WDR88: variants seen among roughly 807,000 people sequenced by gnomAD.
WDR88 encodes the protein WD repeat-containing protein 88.
In WDR88, 40 loss-of-function variants were observed where a neutral mutation model predicts 46.8. That is an observed-to-expected ratio of 0.86 (90% confidence interval 0.66 to 1.11). The LOEUF (loss-of-function observed/expected upper bound fraction) is 1.11, where lower values mean the gene tolerates loss of function less well. Ranked by LOEUF, WDR88 falls within the 50% of genes most tolerant of loss-of-function variation. The pLI is 0.00. For missense variants in WDR88, 562 were observed against 602.4 expected, an observed-to-expected ratio of 0.93 and a Z score of 0.70; for synonymous variants, 235 against 240.7, an observed-to-expected ratio of 0.98 and a Z score of 0.22.
intron 10 of WDR88, chr19:33,174,771 C>T (rs973080628): frequency 3.0e-6 from 3 of 985,468 alleles, no homozygotes; most frequent in Non-Finnish European, 3.6e-6. Flanking sequence ...ATCCTCCCAA[C>T]TGTCAAGGGG....
intron 9 of WDR88, among the ~76,000 whole-genome samples, chr19:33,171,019 T>G (rs1974030247): frequency 6.6e-6 from 1 of 152,156 alleles, no homozygotes; most frequent in Admixed American, 6.5e-5. Context: ...AGAGTCTCGC[T>G]CTGTCACCCA....
intron 9 of WDR88, 112 bp downstream of exon 9, chr19:33,164,377 C>A: frequency 1.1e-6 from 1 of 942,916 alleles, no homozygotes; most frequent in South Asian, 1.4e-5. Context: ...TGTACCTGAC[C>A]GGGCCATCGT....
At chr19:33,146,826 C>G (rs1487382924) in intron 3 of WDR88, among the ~76,000 whole-genome samples, 2 of 152,112 alleles carry the variant, frequency 1.3e-5, no homozygotes, top group Admixed American at 6.6e-5. Context: ...CTGGTTCTCT[C>G]TAGTTTCAGT....
intron 7 of WDR88, among the ~76,000 whole-genome samples, chr19:33,157,203 GA>G (rs1326693904): frequency 3.8e-4 from 48 of 125,500 alleles, no homozygotes; most frequent in Middle Eastern, 4.7e-3. Context: ...TGTCTAAAAA[GA>G]AAAAAAAAAA....
intron 7 of WDR88, among the ~76,000 whole-genome samples, 192 bp from the exon 8 acceptor site, chr19:33,160,222 T>C (rs1048625800): frequency 2.6e-5 from 4 of 152,126 alleles, no homozygotes; most frequent in Admixed American, 2.0e-4. Context: ...ACCCCTGTCA[T>C]AGAACATGAC....
At chr19:33,170,423 G>A (rs1022229193) in intron 9 of WDR88, among the ~76,000 whole-genome samples, 4 of 150,280 alleles carry the variant, frequency 2.7e-5, no homozygotes, top group African/African-American at 9.8e-5. Context: ...TAAGTGATTC[G>A]ACCGCGTTGG....
In WDR88 at chr19:33,175,570, T is replaced by C. The variant is rs760940871; in HGVS notation, c.1417T>C (p.Ter473ArgextTer?). The change falls in exon 11 of 11, where the codon TGA (stop) becomes CGA (arginine). Residue 473 changes from the stop codon to arginine (R), a stop_lost. Transcript: ENST00000355868. ...SPPPRGSKDD[*>R] ...GCCGCCAAGGGGAAGCAAGGATGAC[T>C]GACAGCCACAGGCCCCTTTGAGTGA... is the stretch of plus-strand genomic sequence containing the variant. The C allele has an allele frequency of 3.1e-6, 5 of 1,614,138 alleles. No individual in the cohort carries two copies. The South Asian group carries it at 5.5e-5, about 18-fold the overall frequency.
intron 8 of WDR88, 86 bp downstream of exon 8, chr19:33,160,582 T>A: frequency 7.1e-7 from 1 of 1,413,338 alleles, no homozygotes; most frequent in Non-Finnish European, 1.0e-6. Flanking sequence ...GGGACACAGC[T>A]GTGAGTGACA....
At chr19:33,133,143 C>T (rs564488795) in intron 1 of WDR88, among the ~76,000 whole-genome samples, 28 of 135,192 alleles carry the variant, frequency 2.1e-4, no homozygotes, top group Non-Finnish European at 2.6e-4. Flanking sequence ...GGCAACAGAG[C>T]GAGACTGTCT....
At chr19:33,148,285 G>A (rs367897866) in intron 4 of WDR88, among the ~76,000 whole-genome samples, 3 of 151,930 alleles carry the variant, frequency 2.0e-5, no homozygotes, top group Non-Finnish European at 4.4e-5. Context: ...CACCCCTGCC[G>A]TCCCTCCCTC....
intron 1 of WDR88, among the ~76,000 whole-genome samples, chr19:33,133,027 C>T (rs1490497821): frequency 6.6e-6 from 1 of 151,672 alleles, no homozygotes; most frequent in Admixed American, 6.6e-5. Context: ...TGTGATGGGG[C>T]GCACCTGTGG....
chr19:33,170,441 A>G (rs978815219), intron 9 of WDR88, among the ~76,000 whole-genome samples: 10 of 151,988 alleles, frequency 6.6e-5, no homozygotes, highest in Middle Eastern at 3.4e-3. Flanking sequence ...TGGCCTCCCA[A>G]TGTGCTAGGA....
At chr19:33,173,169 T>C (rs2145428686) in intron 10 of WDR88, among the ~76,000 whole-genome samples, 1 of 147,040 alleles carries the variant, frequency 6.8e-6, no homozygotes, top group South Asian at 2.2e-4. Flanking sequence ...AGAGAGAGCC[T>C]GAGAGGCAGG....
chr19:33,159,314 CA>C (rs1249805350), intron 7 of WDR88, among the ~76,000 whole-genome samples: 1 of 151,188 alleles, frequency 6.6e-6, no homozygotes, highest in Non-Finnish European at 1.5e-5. Context: ...GCCTGGGTGA[CA>C]GAGCAAGACC....
At chr19:33,174,079 T>C (rs1974085048) in intron 10 of WDR88, 2 of 1,293,180 alleles carry the variant, frequency 1.5e-6, no homozygotes, top group Admixed American at 4.2e-5. Flanking sequence ...CTCGAACTCC[T>C]GAGCTCAAGT....
intron 9 of WDR88, 149 bp from the exon 10 acceptor site, chr19:33,172,199 G>C (rs2011406439): frequency 3.2e-6 from 2 of 629,682 alleles, no homozygotes; most frequent in Admixed American, 5.8e-5. Flanking sequence ...GCCTCTTCAG[G>C]TTGGCTTCTA....
intron 2 of WDR88, among the ~76,000 whole-genome samples, chr19:33,144,191 C>G (rs12975019): frequency 0.11 from 16,107 of 152,154 alleles, 929 homozygotes; most frequent in South Asian, 0.2. Flanking sequence ...ATCCCACAAC[C>G]CAAGACGATC....
At chr19:33,171,482 G>C (rs1271407970) in intron 9 of WDR88, among the ~76,000 whole-genome samples, 1 of 152,094 alleles carries the variant, frequency 6.6e-6, no homozygotes, top group African/African-American at 2.4e-5. Context: ...TGCAACTGCT[G>C]AATCAAGAAA....
chr19:33,168,732 G>A (rs955974684), intron 9 of WDR88, among the ~76,000 whole-genome samples: 1 of 151,996 alleles, frequency 6.6e-6, no homozygotes, highest in African/African-American at 2.4e-5. Flanking sequence ...AATTCCAACA[G>A]CATTTTCATA....
Sources: gnomAD v4.1 joint callset for allele counts (sites outside exome capture counted in the v4.1 genomes callset) on GRCh38, gnomAD v4.1.1 for gene constraint, MANE v1.5 for transcripts, NCBI Gene and HGNC (gene_info 2026-07-23, HGNC 2026-07-21) for gene names.